The following COL11A1 variants were observed in gnomAD, a reference collection of about 807,000 sequenced individuals.
COL11A1 encodes collagen type XI alpha 1 chain.
COL11A1 carries 74 observed loss-of-function variants against 265.2 expected under a neutral mutation model. That is an observed-to-expected ratio of 0.28 (90% CI 0.23 to 0.34). COL11A1 has a LOEUF of 0.34. COL11A1 is among the 10% of genes least tolerant of loss of function. The pLI, the probability that COL11A1 is intolerant of heterozygous loss-of-function variation, is 1.00. For synonymous variants in COL11A1, 816 were observed against 727.6 expected (o/e 1.12, Z -1.96); for missense variants, 2,165 against 2,263.6 (o/e 0.96, Z 0.88).
At position 103,001,906 on chromosome 1, in the gene COL11A1, G is replaced by T; in HGVS notation, c.2142+19C>A. ...CAAACATGTTCACCAGGCTTTACGA[G>T]AACAACAGAGTAACTTACTTTTTCA... On this transcript the variant is annotated intron_variant, in intron 24 of 66. Transcript: ENST00000370096. 6.2e-7 allele frequency: 1 copy of T among 1,611,976 alleles called. No homozygotes were observed. Among genetic ancestry groups the T allele is most frequent in the South Asian group, 1.1e-5 (1 of 91,002 alleles).
chr1:102,949,579 T>C (rs535048900), intron 41 of COL11A1, among the ~76,000 whole-genome samples: 3 of 152,304 alleles, frequency 2.0e-5, no homozygotes, highest in African/African-American at 7.2e-5. Context: ...GACTTACAAT[T>C]ATTATACCTA....
At position 103,022,900 on chromosome 1, in the gene COL11A1, T is replaced by C. The variant is rs1276719478; in HGVS notation, c.1087A>G (p.Lys363Glu). Residue 363 changes from lysine (K) to glutamate (E), a missense_variant, in exon 8 of 67, where the codon AAA becomes GAA. Coordinates refer to ENST00000370096, the MANE Select transcript of COL11A1 (RefSeq NM_001854.4). ...KNSEDTLYEN[K>E]EIDGRDSDLL... Reference sequence around the variant, plus strand: ...TCAGAATCCCTGCCGTCTATTTCTTTGTTTTCATATAGTGTATCCTCAGAA... The same window carrying C: ...TCAGAATCCCTGCCGTCTATTTCTTCGTTTTCATATAGTGTATCCTCAGAA... The C allele has an allele frequency of 6.2e-7, 1 of 1,613,932 alleles. No individual in the cohort carries two copies. Among genetic ancestry groups the C allele is most frequent in the Non-Finnish European group, 8.5e-7 (1 of 1,179,930 alleles).
chr1:102,926,344 C>G (rs1293200709), intron 46 of COL11A1, among the ~76,000 whole-genome samples: 2 of 151,770 alleles, frequency 1.3e-5, no homozygotes, highest in African/African-American at 4.8e-5. Context: ...TGAAGTTAGG[C>G]CAAGAATGCA....
At chr1:103,080,014 A>C (rs1672276820) in intron 2 of COL11A1, among the ~76,000 whole-genome samples, 1 of 151,936 alleles carries the variant, frequency 6.6e-6, no homozygotes, top group African/African-American at 2.4e-5. Flanking sequence ...AAATCACCAA[A>C]GTACTATTTA....
intron 28 of COL11A1, among the ~76,000 whole-genome samples, chr1:102,990,265 G>A (rs1207581545): frequency 6.6e-6 from 1 of 152,010 alleles, no homozygotes; most frequent in African/African-American, 2.4e-5. Context: ...GAGCTCTGGA[G>A]TAGCACACAG....
chr1:102,923,220 C>T (rs893310377), intron 47 of COL11A1, 116 bp downstream of exon 47: 31 of 848,556 alleles, frequency 3.7e-5, no homozygotes, highest in Admixed American at 6.5e-5. Flanking sequence ...ATGTCAGTTG[C>T]TTATATACAC....
chr1:102,970,706 G>A (rs1661885108), intron 36 of COL11A1, among the ~76,000 whole-genome samples: 1 of 151,994 alleles, frequency 6.6e-6, no homozygotes, highest in African/African-American at 2.4e-5. Context: ...GGTAATCCGA[G>A]CTTCTAACTG....
intron 4 of COL11A1, among the ~76,000 whole-genome samples, chr1:103,038,119 A>G (rs567679766): frequency 1.6e-4 from 25 of 152,328 alleles, no homozygotes; most frequent in African/African-American, 6.0e-4. Flanking sequence ...AGCATTAAAC[A>G]TAAAAAGCAT....
rs192832327 is a variant in COL11A1, at chr1:102,947,183, G to A, written c.3169-227C>T. Among the ~76,000 whole-genome samples, 216 of 152,114 alleles carry A rather than the reference G, an allele frequency of 1.4e-3. 2 individuals carry two copies. The highest frequency in any genetic ancestry group is 2.2e-3 in the Non-Finnish European group (149 of 67,984). ...TGTTGATGTTAGAAAATATTGATGA[G>A]ATGAAAAAATACATCAAAATTAGAT... On this transcript the variant is annotated intron_variant, in intron 41 of 66. Coordinates refer to ENST00000370096, the MANE Select transcript of COL11A1 (RefSeq NM_001854.4).
intron 38 of COL11A1, among the ~76,000 whole-genome samples, chr1:102,963,762 G>A (rs1399504169): frequency 1.3e-5 from 2 of 151,820 alleles, no homozygotes; most frequent in Non-Finnish European, 2.9e-5. Flanking sequence ...ACATTAATGT[G>A]TAAACATTTA....
chr1:103,027,968 C>T (rs1373407964), intron 5 of COL11A1, among the ~76,000 whole-genome samples: 5 of 151,994 alleles, frequency 3.3e-5, no homozygotes, highest in Non-Finnish European at 5.9e-5. Flanking sequence ...GAGGAAATAA[C>T]ATGTTAACTG....
chr1:103,063,353 G>T (rs537918398), intron 4 of COL11A1, among the ~76,000 whole-genome samples: 21 of 152,064 alleles, frequency 1.4e-4, no homozygotes, highest in Admixed American at 1.4e-3. Context: ...ACGTAGTATT[G>T]GTGGAAGAAC....
intron 21 of COL11A1, 107 bp downstream of exon 21, chr1:103,003,108 T>C: frequency 9.0e-7 from 1 of 1,109,348 alleles, no homozygotes; most frequent in Non-Finnish European, 1.4e-6. Context: ...TCTTCAAACA[T>C]AACAAGGCAA....
chr1:103,071,055 C>T (rs1671545480), intron 4 of COL11A1, among the ~76,000 whole-genome samples: 1 of 151,826 alleles, frequency 6.6e-6, no homozygotes, highest in Admixed American at 6.6e-5. Flanking sequence ...TTGATTTCTC[C>T]ACAGAAAATT....
chr1:102,978,644 G>A, intron 35 of COL11A1, 64 bp downstream of exon 35: 1 of 1,546,588 alleles, frequency 6.5e-7, no homozygotes, highest in Non-Finnish European at 8.9e-7. Flanking sequence ...TCTTTTCTCT[G>A]AAATCTAAAT....
At chr1:102,983,653 C>T (rs1663249550) in intron 31 of COL11A1, among the ~76,000 whole-genome samples, 1 of 151,954 alleles carries the variant, frequency 6.6e-6, no homozygotes, top group Non-Finnish European at 1.5e-5. Context: ...TCCTCCAGAA[C>T]TGTAAGGCAG....
chr1:103,004,747 A>C, intron 18 of COL11A1, 86 bp from the exon 19 acceptor site: 1 of 1,177,310 alleles, frequency 8.5e-7, no homozygotes, highest in Non-Finnish European at 1.2e-6. Flanking sequence ...AACCAAATAA[A>C]ACAGGACATT....
intron 54 of COL11A1, among the ~76,000 whole-genome samples, chr1:102,900,526 C>T (rs1653052422): frequency 6.6e-6 from 1 of 151,930 alleles, no homozygotes; most frequent in South Asian, 2.1e-4. Context: ...TTTCCTTAAA[C>T]TAGTAACATA....
chr1:102,930,448 C>G (rs1305561174), intron 46 of COL11A1, among the ~76,000 whole-genome samples: 2,248 of 151,672 alleles, frequency 0.015, 65 homozygotes, highest in African/African-American at 0.052. Context: ...AAGCCCACTT[C>G]ATCATGGTGG....
Sources: allele counts gnomAD v4.1 joint callset (sites outside exome capture counted in the v4.1 genomes callset), GRCh38; gene constraint gnomAD v4.1.1; transcripts MANE v1.5; gene names NCBI Gene and HGNC (gene_info 2026-07-23, HGNC 2026-07-21).